Variants in CADM2 observed in about 807,000 individuals in gnomAD.
CADM2 encodes the protein immunoglobulin superfamily member 4D.
A neutral mutation model predicts 49.8 loss-of-function variants in CADM2; 12 were observed. That is an observed-to-expected ratio of 0.24 (90% CI 0.15 to 0.39). The LOEUF is 0.39. CADM2 is among the 10% of genes least tolerant of loss of function. The pLI, the probability that CADM2 is intolerant of heterozygous loss-of-function variation, is 1.00. For missense variants in CADM2, 378 were observed against 492.3 expected (o/e 0.77, Z 2.20); for synonymous variants, 214 against 175.4 (o/e 1.22, Z -1.74).
intron 3 of CADM2, among the ~76,000 whole-genome samples, chr3:85,850,838 T>C (rs750946694): frequency 1.3e-5 from 2 of 152,208 alleles, no homozygotes; most frequent in Non-Finnish European, 2.9e-5. Context: ...TCCAATATGT[T>C]TTGTGCGTGG....
chr3:85,977,687 T>C lies in CADM2; in HGVS notation c.970+16040T>C, dbSNP rs79041726. Among the ~76,000 whole-genome samples, 49 of 151,742 alleles carry C rather than the reference T, an allele frequency of 3.2e-4. 2 individuals are homozygous for C. In the East Asian group the frequency reaches 9.6e-3, roughly 30 times the overall value. The stretch of plus-strand genomic sequence containing the variant: ...ACATAATCTTTCTTCATTTATAATG[T>C]CGTTAAAGTCAGTTCTACTTTATGA... On this transcript the variant is annotated intron_variant, in intron 8 of 9. Coordinates refer to ENST00000383699, the MANE Select transcript of CADM2 (RefSeq NM_001167675.2).
chr3:85,581,442 A>T (rs1241605299), intron 1 of CADM2, among the ~76,000 whole-genome samples: 1 of 152,052 alleles, frequency 6.6e-6, no homozygotes, highest in Non-Finnish European at 1.5e-5. Context: ...CAAGAAAAAA[A>T]AAAAAAGGAC....
chr3:85,696,026 G>T (rs1476792924), intron 1 of CADM2, among the ~76,000 whole-genome samples: 1 of 151,964 alleles, frequency 6.6e-6, no homozygotes, highest in African/African-American at 2.4e-5. Context: ...GATTAGCAAT[G>T]TTTAGCATTT....
At chr3:86,042,766 G>C (rs180767007) in intron 8 of CADM2, among the ~76,000 whole-genome samples, 89 of 152,182 alleles carry the variant, frequency 5.8e-4, no homozygotes, top group African/African-American at 2.0e-3. Flanking sequence ...GCCTGGCAAA[G>C]ACACAACAAA....
At chr3:85,630,985 G>A (rs67219198) in intron 1 of CADM2, among the ~76,000 whole-genome samples, 45,383 of 151,576 alleles carry the variant, frequency 0.3, 8,383 homozygotes, top group East Asian at 0.64. Flanking sequence ...TATTTCTCTG[G>A]CTATATTTCT....
chr3:84,980,955 A>G (rs1255811137), intron 1 of CADM2, among the ~76,000 whole-genome samples: 1 of 151,920 alleles, frequency 6.6e-6, no homozygotes, highest in African/African-American at 2.4e-5. Flanking sequence ...TTTGTAAAAT[A>G]TACTTGATTA....
intron 2 of CADM2, among the ~76,000 whole-genome samples, chr3:85,798,782 G>A (rs2071792583): frequency 6.6e-6 from 1 of 152,068 alleles, no homozygotes; most frequent in Non-Finnish European, 1.5e-5. Context: ...GAAATTTAAA[G>A]TAGTTTTTTT....
intron 1 of CADM2, among the ~76,000 whole-genome samples, chr3:85,100,625 CA>C (rs1213071879): frequency 3.9e-5 from 6 of 151,976 alleles, no homozygotes; most frequent in African/African-American, 1.5e-4. Flanking sequence ...GGCAGAGAGT[CA>C]AAACAAATTT....
chr3:85,280,285 T>C (rs1358391792), intron 1 of CADM2, among the ~76,000 whole-genome samples: 2 of 151,690 alleles, frequency 1.3e-5, no homozygotes, highest in East Asian at 1.9e-4. Context: ...TCCTTCATTG[T>C]TGAAGGGTAG....
chr3:85,664,793 T>G (rs965453450), intron 1 of CADM2, among the ~76,000 whole-genome samples: 1 of 151,996 alleles, frequency 6.6e-6, no homozygotes, highest in Non-Finnish European at 1.5e-5. Context: ...CAGGAATACC[T>G]CTATAATTGA....
chr3:85,722,836 G>A (rs1007650167), intron 1 of CADM2, among the ~76,000 whole-genome samples: 3 of 152,098 alleles, frequency 2.0e-5, no homozygotes, highest in Non-Finnish European at 4.4e-5. Flanking sequence ...TCCATTTCAA[G>A]AAATGCATTT....
At chr3:85,972,256 C>G (rs1726250435) in intron 8 of CADM2, among the ~76,000 whole-genome samples, 1 of 151,594 alleles carries the variant, frequency 6.6e-6, no homozygotes. Flanking sequence ...ACAATTGTTT[C>G]CAATGTCAGT....
intron 1 of CADM2, among the ~76,000 whole-genome samples, chr3:85,101,655 T>C (rs1389684425): frequency 2.0e-5 from 3 of 152,222 alleles, no homozygotes; most frequent in African/African-American, 4.8e-5. Flanking sequence ...CTCAAATGTT[T>C]TCAGAATTGC....
intron 7 of CADM2, among the ~76,000 whole-genome samples, chr3:85,936,840 G>A (rs559774660): frequency 6.6e-6 from 1 of 151,744 alleles, no homozygotes; most frequent in East Asian, 1.9e-4. Context: ...ATAAATCCAT[G>A]CCTTATTTAC....
At chr3:85,323,560 A>G (rs2107116869) in intron 1 of CADM2, among the ~76,000 whole-genome samples, 1 of 152,296 alleles carries the variant, frequency 6.6e-6, no homozygotes, top group South Asian at 2.1e-4. Context: ...GCTTGCACAT[A>G]TCATGATAAC....
At chr3:85,646,896 C>A (rs1299111102) in intron 1 of CADM2, among the ~76,000 whole-genome samples, 1 of 151,834 alleles carries the variant, frequency 6.6e-6, no homozygotes, top group African/African-American at 2.4e-5. Flanking sequence ...TTTGGACTGT[C>A]TTTATATCCT....
Position 85,125,817 on chromosome 3 carries a change from A to G in CADM2, c.61+166149A>G, listed in dbSNP as rs142764035. On this transcript the variant is annotated intron_variant, in intron 1 of 9. Transcript: ENST00000383699. The stretch of plus-strand genomic sequence containing the variant: ...GTTTATTTAATTTAGCTCTAATGAT[A>G]ATGAATAAAAATAAATTTGGCATTT... 4.2e-3 allele frequency among the ~76,000 whole-genome samples: 646 copies of G among 152,350 alleles called. 7 individuals are homozygous for G. Among genetic ancestry groups the G allele is most frequent in the African/African-American group, 0.014 (602 of 41,586 alleles).
chr3:84,964,629 T>C (rs1367967341), intron 1 of CADM2, among the ~76,000 whole-genome samples: 2 of 152,124 alleles, frequency 1.3e-5, no homozygotes, highest in African/African-American at 4.8e-5. Context: ...AAAACTGAAG[T>C]CAAAAGCCCT....
intron 3 of CADM2, among the ~76,000 whole-genome samples, chr3:85,860,323 A>C (rs1334337039): frequency 9.9e-5 from 15 of 152,262 alleles, no homozygotes; most frequent in Admixed American, 8.5e-4. Flanking sequence ...CAGACTATTG[A>C]AGGGAACATA....
Sources: gnomAD v4.1 joint callset for allele counts (sites outside exome capture counted in the v4.1 genomes callset) on GRCh38, gnomAD v4.1.1 for gene constraint, MANE v1.5 for transcripts, NCBI Gene and HGNC (gene_info 2026-07-23, HGNC 2026-07-21) for gene names.